Variants in HIVEP1 observed in about 807,000 individuals in gnomAD.
HIVEP1 encodes HIVEP zinc finger 1, also known as zinc finger protein 40.
HIVEP1 carries 36 observed loss-of-function variants against 180.0 expected under a neutral mutation model. That is an observed-to-expected ratio of 0.20 (90% CI 0.15 to 0.26). The LOEUF (loss-of-function observed/expected upper bound fraction) is 0.26. Among genes scored for constraint, HIVEP1 ranks in the 10% least tolerant of loss-of-function variants. HIVEP1 has a pLI of 1.00. For synonymous variants in HIVEP1, 1,239 were observed against 1,239.0 expected (o/e 1.00, Z 0.00); for missense variants, 3,143 against 3,268.7 (o/e 0.96, Z 0.94).
intron 2 of HIVEP1, among the ~76,000 whole-genome samples, chr6:12,046,473 C>CCT (rs2113699867): frequency 6.6e-6 from 1 of 152,246 alleles, no homozygotes; most frequent in East Asian, 1.9e-4. Flanking sequence ...TCAGAGCAGA[C>CCT]ACTGGAGTTA....
chr6:12,177,129 CAAAG>C, the HIVEP1 span, among the ~76,000 whole-genome samples: 1 of 152,028 alleles, frequency 6.6e-6, no homozygotes, highest in Non-Finnish European at 1.5e-5. Flanking sequence ...CTCATGGACA[CAAAG>C]AAGAGAACAG....
rs778859908 is a variant in HIVEP1, at chr6:12,100,048, A to G, written c.94+10811A>G. On this transcript the variant is annotated intron_variant, in intron 3 of 8. Transcript: ENST00000379388. The stretch of plus-strand genomic sequence containing the variant: ...ACTCTCAGTGTAGTTATTTTGTGAT[A>G]TCATAACATCTTTGTAAACCTGGTG... Among the ~76,000 whole-genome samples, 7 of 152,338 alleles carry G rather than the reference A, an allele frequency of 4.6e-5. No homozygotes were observed. In the South Asian group the frequency reaches 6.2e-4, roughly 14 times the overall value.
intron 2 of HIVEP1, chr6:12,037,675 A>AT (rs756618073): frequency 2.5e-6 from 1 of 399,776 alleles, no homozygotes; most frequent in Non-Finnish European, 4.4e-6. Flanking sequence ...AACAGGGAGA[A>AT]TGAAATCTAA....
At chr6:12,155,500 A>G (rs12199075) in intron 7 of HIVEP1, among the ~76,000 whole-genome samples, 39,329 of 151,588 alleles carry the variant, frequency 0.26, 6,151 homozygotes, top group Non-Finnish European at 0.35. Flanking sequence ...ATAAGTGAAA[A>G]CATGCGGTAT....
intron 2 of HIVEP1, among the ~76,000 whole-genome samples, chr6:12,037,415 G>A (rs1769352521): frequency 1.3e-5 from 2 of 152,202 alleles, no homozygotes; most frequent in South Asian, 4.1e-4. Flanking sequence ...ATATTGATCA[G>A]CGATGATTTT....
Position 12,120,246 on chromosome 6 carries a change from G to T in HIVEP1, c.451G>T (p.Ala151Ser). 1 of 1,614,166 alleles carries T rather than the reference G, an allele frequency of 6.2e-7. No individual in the cohort carries two copies. Among genetic ancestry groups the T allele is most frequent in the Non-Finnish European group, 8.5e-7 (1 of 1,180,010 alleles). The change falls in exon 4 of 9, where the codon GCT becomes TCT. Residue 151 changes from alanine (A) to serine (S), a missense_variant. Physicochemically the swap from Ala to Ser is moderately conservative, Grantham distance 99. Coordinates refer to ENST00000379388, the MANE Select transcript of HIVEP1 (RefSeq NM_002114.4). ...ACTGCGTAGATGGAGATCCGAAGGCGCTGATCCTGCCAAATTCAGTGACCT... is the reference window on the plus strand; with the variant it reads ...ACTGCGTAGATGGAGATCCGAAGGCTCTGATCCTGCCAAATTCAGTGACCT... ...SELRRWRSEG[A>S]DPAKFSDLDE...
intron 7 of HIVEP1, among the ~76,000 whole-genome samples, chr6:12,137,299 G>A (rs2113595086): frequency 6.6e-6 from 1 of 152,246 alleles, no homozygotes; most frequent in South Asian, 2.1e-4. Flanking sequence ...AAATTAATAT[G>A]TCTGTAGAAT....
chr6:12,155,377 C>A (rs1759970445), intron 7 of HIVEP1, among the ~76,000 whole-genome samples: 1 of 152,126 alleles, frequency 6.6e-6, no homozygotes, highest in South Asian at 2.1e-4. Flanking sequence ...TTAAGCCCAG[C>A]ATTTCTTCCT....
At chr6:12,038,005 G>C (rs1258879192) in intron 2 of HIVEP1, 2 of 374,062 alleles carry the variant, frequency 5.3e-6, no homozygotes, top group South Asian at 2.9e-4. Flanking sequence ...ATGAGCCACC[G>C]CACCTAGTCT....
At chr6:12,135,721 T>G in intron 6 of HIVEP1, 70 bp from the exon 7 acceptor site, 1 of 925,008 alleles carries the variant, frequency 1.1e-6, no homozygotes, top group Non-Finnish European at 1.7e-6. Context: ...GGAATGAAAT[T>G]TGCCAGTGTT....
rs1242552876 is a variant in HIVEP1, at chr6:12,161,527, CGAT to C, written c.6582_6584del (p.Asp2194del). On this transcript the variant is annotated inframe_deletion, in exon 8 of 9. Coordinates refer to ENST00000379388, the MANE Select transcript of HIVEP1 (RefSeq NM_002114.4). ...ATGAGGATGACAATGAAAATGAAGACGATGATGAGGACAGCCAGGCTGAATCAG... is the reference window on the plus strand; with the variant it reads ...ATGAGGATGACAATGAAAATGAAGACGATGAGGACAGCCAGGCTGAATCAG... 1.2e-6 allele frequency: 2 copies of C among 1,613,960 alleles called. No homozygotes were observed. The highest frequency in any genetic ancestry group is 1.7e-6 in the Non-Finnish European group (2 of 1,179,982).
At chr6:12,051,001 CATATATATATATATATATATAT>C (rs1161977899) in intron 2 of HIVEP1, among the ~76,000 whole-genome samples, 7 of 77,634 alleles carry the variant, frequency 9.0e-5, no homozygotes, top group South Asian at 4.9e-4. Flanking sequence ...TACACAAGTG[CATATATATATATATATATATAT>C]ATATATATGT....
chr6:12,021,165 C>T (rs1276829412), intron 2 of HIVEP1, among the ~76,000 whole-genome samples: 9 of 152,126 alleles, frequency 5.9e-5, no homozygotes, highest in African/African-American at 1.9e-4. Context: ...GGATTACAGG[C>T]GTGAGCCACC....
chr6:12,040,407 A>G (rs1489056750), intron 2 of HIVEP1, among the ~76,000 whole-genome samples: 1 of 152,226 alleles, frequency 6.6e-6, no homozygotes, highest in African/African-American at 2.4e-5. Flanking sequence ...TTCTGTCTTT[A>G]ATAAAGATAC....
chr6:12,025,437 AGTT>A (rs1768517346), intron 2 of HIVEP1, among the ~76,000 whole-genome samples: 2 of 152,200 alleles, frequency 1.3e-5, no homozygotes, highest in African/African-American at 4.8e-5. Context: ...GGGAAAGAAT[AGTT>A]GTCTCATCCA....
chr6:12,126,480 C>T (rs1287072285), intron 4 of HIVEP1, among the ~76,000 whole-genome samples: 1 of 152,108 alleles, frequency 6.6e-6, no homozygotes, highest in Non-Finnish European at 1.5e-5. Context: ...AATTTAAGGT[C>T]ATGAAACTGT....
chr6:12,027,270 T>C (rs945985778), intron 2 of HIVEP1, among the ~76,000 whole-genome samples: 1 of 152,238 alleles, frequency 6.6e-6, no homozygotes, highest in African/African-American at 2.4e-5. Context: ...GAATTATTAT[T>C]AGGGGAACCT....
chr6:12,150,415 G>A (rs898673036), intron 7 of HIVEP1, among the ~76,000 whole-genome samples: 10 of 152,182 alleles, frequency 6.6e-5, no homozygotes, highest in African/African-American at 2.4e-4. Flanking sequence ...GCAGTGAGAA[G>A]CATTATTCTT....
intron 2 of HIVEP1, among the ~76,000 whole-genome samples, chr6:12,083,648 T>G (rs1581650455): frequency 6.6e-6 from 1 of 152,264 alleles, no homozygotes; most frequent in East Asian, 1.9e-4. Flanking sequence ...TATTGACTGA[T>G]TTCTTTGCTC....
Sources: gnomAD v4.1 joint callset for allele counts (sites outside exome capture counted in the v4.1 genomes callset) on GRCh38, gnomAD v4.1.1 for gene constraint, MANE v1.5 for transcripts, NCBI Gene and HGNC (gene_info 2026-07-23, HGNC 2026-07-21) for gene names.